Variants in CEP20 observed in about 807,000 individuals in gnomAD.
CEP20 encodes FGFR1OP N-terminal like.
In CEP20, 18 loss-of-function variants were observed where a neutral mutation model predicts 20.0. The ratio of observed to expected loss-of-function variants is 0.90; its 90% CI spans 0.62 to 1.34. The LOEUF (loss-of-function observed/expected upper bound fraction) is 1.34. CEP20 is among the 40% of genes most tolerant of loss of function. The probability of loss-of-function intolerance (pLI) is 0.00; values close to 1 mark genes in which losing one functional copy is unlikely to be tolerated. For missense variants in CEP20, 215 were observed against 201.6 expected, an observed-to-expected ratio of 1.07 and a Z score of -0.40; for synonymous variants, 77 against 73.7, an observed-to-expected ratio of 1.04 and a Z score of -0.23.
intron 2 of CEP20, among the ~76,000 whole-genome samples, chr16:15,881,408 A>G (rs2045094588): frequency 6.6e-6 from 1 of 152,220 alleles, no homozygotes; most frequent in Non-Finnish European, 1.5e-5. Context: ...AGAGATGCTG[A>G]TATCAAAGAT....
chr16:15,882,784 T>TAC (rs71388769), intron 2 of CEP20, among the ~76,000 whole-genome samples: 61,302 of 149,690 alleles, frequency 0.41, 13,046 homozygotes, highest in African/African-American at 0.54. Flanking sequence ...TCTATCTAGA[T>TAC]ACACACACAC....
At chr16:15,874,146 A>G (rs1445362055) in intron 3 of CEP20, among the ~76,000 whole-genome samples, 1 of 152,194 alleles carries the variant, frequency 6.6e-6, no homozygotes, top group Non-Finnish European at 1.5e-5. Context: ...TTTATAAATT[A>G]GGATAAGCAC....
chr16:15,876,930 C>A (rs894960074), intron 3 of CEP20, among the ~76,000 whole-genome samples: 1 of 150,812 alleles, frequency 6.6e-6, no homozygotes, highest in African/African-American at 2.4e-5. Context: ...CGGCTCACTG[C>A]AAGCTCCACC....
At chr16:15,878,691 G>T (rs1489755752) in intron 3 of CEP20, among the ~76,000 whole-genome samples, 1 of 151,986 alleles carries the variant, frequency 6.6e-6, no homozygotes, top group African/African-American at 2.4e-5. Context: ...GTAGAGATGG[G>T]GTTTCGCCAT....
chr16:15,877,523 T>C (rs889184725), intron 3 of CEP20, among the ~76,000 whole-genome samples: 5 of 152,190 alleles, frequency 3.3e-5, no homozygotes, highest in African/African-American at 9.6e-5. Flanking sequence ...TCCCAACACT[T>C]TGGAAGGCCA....
intron 2 of CEP20, among the ~76,000 whole-genome samples, chr16:15,882,347 C>T (rs1408027833): frequency 2.6e-5 from 4 of 152,120 alleles, no homozygotes; most frequent in African/African-American, 9.7e-5. Flanking sequence ...TGAGACCATC[C>T]TGGCTAACGG....
intron 4 of CEP20, among the ~76,000 whole-genome samples, chr16:15,870,693 T>C (rs2044792813): frequency 6.6e-6 from 1 of 152,046 alleles, no homozygotes; most frequent in Non-Finnish European, 1.5e-5. Flanking sequence ...TGCACCCCTA[T>C]AGTCCCGGCT....
intron 4 of CEP20, among the ~76,000 whole-genome samples, chr16:15,870,436 T>A (rs1403427551): frequency 1.3e-5 from 2 of 152,184 alleles, no homozygotes; most frequent in Non-Finnish European, 2.9e-5. Context: ...ACTACATTTT[T>A]AAATATGCAT....
intron 2 of CEP20, 126 bp from the exon 3 acceptor site, chr16:15,880,014 C>T: frequency 3.2e-6 from 2 of 620,256 alleles, no homozygotes; most frequent in South Asian, 1.9e-5. Flanking sequence ...CAACACACAC[C>T]AAGACAGATC....
chr16:15,873,336 G>C (rs1283519093), intron 4 of CEP20, 155 bp downstream of exon 4: 1 of 844,292 alleles, frequency 1.2e-6, no homozygotes, highest in Non-Finnish European at 1.6e-6. Context: ...TTTACAAAAA[G>C]CATTCTGTTT....
chr16:15,884,646 C>A (rs574085095), intron 1 of CEP20, among the ~76,000 whole-genome samples: 1 of 152,268 alleles, frequency 6.6e-6, no homozygotes, highest in South Asian at 2.1e-4. Context: ...GGACTACAGG[C>A]ACGTGCCACC....
At chr16:15,885,332 A>AACC (rs200084415) in intron 1 of CEP20, among the ~76,000 whole-genome samples, 25,810 of 145,538 alleles carry the variant, frequency 0.18, 2,075 homozygotes, top group African/African-American at 0.22. Flanking sequence ...CCAACCAACC[A>AACC]AAAAAAAAAA....
intron 2 of CEP20, among the ~76,000 whole-genome samples, chr16:15,881,830 TTC>T (rs1220944833): frequency 3.3e-5 from 5 of 152,142 alleles, no homozygotes; most frequent in Admixed American, 1.3e-4. Flanking sequence ...AGAAATAAAA[TTC>T]AACAGATAAA....
At chr16:15,881,951 C>T (rs1457257073) in intron 2 of CEP20, among the ~76,000 whole-genome samples, 1 of 152,100 alleles carries the variant, frequency 6.6e-6, no homozygotes, top group African/African-American at 2.4e-5. Flanking sequence ...TATTTGTCTC[C>T]GCCCAAATCT....
Position 15,873,585 on chromosome 16 carries a change from A to G in CEP20, c.354T>C (p.Thr118=). ...YGILAHFLRG[T]KDGIQNAFLK... is the part of the protein sequence containing the mutation. ...GAAATGCATTCTGGATGCCATCCTT[A>G]GTTCCACGCAAGAAATGGGCTAAAA... The change falls in exon 4 of 5, where the codon ACT becomes ACC. Residue 118 remains threonine (T), a synonymous_variant. Transcript: ENST00000255759. 6.2e-7 allele frequency: 1 copy of G among 1,614,090 alleles called. No individual in the cohort carries two copies. The highest frequency in any genetic ancestry group is 2.2e-5 in the East Asian group (1 of 44,874).
intron 4 of CEP20, among the ~76,000 whole-genome samples, chr16:15,868,986 T>A (rs2044749031): frequency 6.6e-6 from 1 of 151,634 alleles, no homozygotes; most frequent in African/African-American, 2.4e-5. Context: ...GAGGATCACC[T>A]GGGCCTGTGA....
At chr16:15,869,101 G>T (rs1344356504) in intron 4 of CEP20, among the ~76,000 whole-genome samples, 1 of 150,970 alleles carries the variant, frequency 6.6e-6, no homozygotes, top group Non-Finnish European at 1.5e-5. Flanking sequence ...AAAAATGTGT[G>T]TGTGTGTATA....
At position 15,884,116 on chromosome 16, in the gene CEP20, G is replaced by GGTC. The variant is rs1567243229; in HGVS notation, c.115_117dup (p.Asp39dup). The GGTC allele has an allele frequency of 6.2e-7, 1 of 1,614,102 alleles. No individual in the cohort carries two copies. The highest frequency in any genetic ancestry group is 2.2e-5 in the East Asian group (1 of 44,862). ...TGAGACAATGATGGTCGGGGTTCAC[G>GGTC]GTCATCATCTAGGGCATTGAAAACT... On this transcript the variant is annotated inframe_insertion, in exon 2 of 5. Transcript: ENST00000255759.
chr16:15,882,776 TATCTAG>T (rs1309898765), intron 2 of CEP20, among the ~76,000 whole-genome samples: 3 of 52,024 alleles, frequency 5.8e-5, no homozygotes, highest in Non-Finnish European at 1.1e-4. Context: ...TCTATCTATC[TATCTAG>T]ATACACACAC....
Sources: allele counts gnomAD v4.1 joint callset (sites outside exome capture counted in the v4.1 genomes callset), GRCh38; gene constraint gnomAD v4.1.1; transcripts MANE v1.5; gene names NCBI Gene and HGNC (gene_info 2026-07-23, HGNC 2026-07-21).